CSMD1: variants seen among roughly 807,000 people sequenced by gnomAD.
CSMD1 encodes the protein CUB and sushi domain-containing protein 1.
In CSMD1, 213 loss-of-function variants were observed where a neutral mutation model predicts 417.5. The ratio of observed to expected loss-of-function variants is 0.51; its 90% CI spans 0.46 to 0.57. The LOEUF (loss-of-function observed/expected upper bound fraction) is 0.57. Ranked by LOEUF, CSMD1 falls within the 20% of genes least tolerant of loss-of-function variation. The probability of loss-of-function intolerance (pLI) is 0.00; values close to 1 mark genes in which losing one functional copy is unlikely to be tolerated. For synonymous variants in CSMD1, 2,862 were observed against 1,736.8 expected (o/e 1.65, Z -16.11); for missense variants, 6,923 against 4,529.7 (o/e 1.53, Z -15.17).
chr8:3,664,756 G>C (rs942905471), intron 7 of CSMD1, among the ~76,000 whole-genome samples: 3 of 152,150 alleles, frequency 2.0e-5, no homozygotes, highest in African/African-American at 7.2e-5. Flanking sequence ...GGTTAACATT[G>C]AAAATAAAGA....
chr8:4,012,719 G>A (rs746903602), intron 4 of CSMD1, among the ~76,000 whole-genome samples: 8 of 152,098 alleles, frequency 5.3e-5, no homozygotes, highest in Non-Finnish European at 1.0e-4. Context: ...TGTCTAAATA[G>A]CAATCCAGAC....
At chr8:4,649,696 A>G (rs1311709966) in intron 1 of CSMD1, among the ~76,000 whole-genome samples, 2 of 152,248 alleles carry the variant, frequency 1.3e-5, no homozygotes, top group Admixed American at 6.5e-5. Flanking sequence ...TGGAAAAAAA[A>G]TTAAACGTTT....
chr8:3,924,167 T>A (rs1482833422), intron 5 of CSMD1, among the ~76,000 whole-genome samples: 1 of 152,300 alleles, frequency 6.6e-6, no homozygotes, highest in East Asian at 1.9e-4. Context: ...AGTATAGCAT[T>A]CTTCGTTGGC....
In CSMD1 at chr8:3,307,754, C is replaced by T. The variant is rs191537593; in HGVS notation, c.3891G>A (p.Pro1297=). The part of the protein sequence containing the change: ...GRILSPGYPA[P]YDNNLHCTWI... ...AGGTGCAGTGGAGGTTGTTGTCATA[C>T]GGAGCTGGATAGCCAGGGGACAATA... The change falls in exon 25 of 70, where the codon CCG becomes CCA. Residue 1297 remains proline (P), a synonymous_variant. Transcript: ENST00000635120. 213 of 1,613,668 alleles carry T rather than the reference C, an allele frequency of 1.3e-4. No homozygotes were observed. In the African/African-American group the frequency reaches 1.6e-3, roughly 12 times the overall value.
At chr8:4,294,444 G>C (rs1029090213) in intron 3 of CSMD1, among the ~76,000 whole-genome samples, 1 of 152,000 alleles carries the variant, frequency 6.6e-6, no homozygotes, top group African/African-American at 2.4e-5. Flanking sequence ...AATTAACATC[G>C]CAGGCAATGA....
rs1796234164 is a variant in CSMD1, at chr8:3,493,704, T to A, written c.1367A>T (p.Glu456Val). 6.2e-7 allele frequency: 1 copy of A among 1,611,278 alleles called. No homozygotes were observed. The highest frequency in any genetic ancestry group is 8.5e-7 in the Non-Finnish European group (1 of 1,178,916). ...GTCATAGCCTCGCTCCAGCTCAAAC[T>A]CTTCAAAGGCAAGCTTGATGACCTA... is the stretch of plus-strand genomic sequence containing the variant. ...PDKVIKLAFEEFELERGYDTL... is the reference protein window; with the variant it reads ...PDKVIKLAFEVFELERGYDTL... The change falls in exon 11 of 70, where the codon GAG (glutamate) becomes GTG (valine). Residue 456 changes from glutamate (E) to valine (V), a missense_variant. Glu to Val is a moderately radical substitution (Grantham distance 121, BLOSUM62 -2). Transcript: ENST00000635120.
chr8:3,694,482 C>T (rs908684984), intron 7 of CSMD1, among the ~76,000 whole-genome samples: 1 of 152,128 alleles, frequency 6.6e-6, no homozygotes, highest in African/African-American at 2.4e-5. Flanking sequence ...GCCGAAAACA[C>T]CATCTGGGAA....
intron 10 of CSMD1, among the ~76,000 whole-genome samples, chr8:3,510,481 G>C (rs1388827530): frequency 1.3e-5 from 2 of 151,844 alleles, no homozygotes; most frequent in Non-Finnish European, 2.9e-5. Flanking sequence ...TCATCTTACA[G>C]GGTCTCTGAA....
chr8:4,483,007 G>T (rs992470059), intron 2 of CSMD1, among the ~76,000 whole-genome samples: 1 of 152,152 alleles, frequency 6.6e-6, no homozygotes, highest in Non-Finnish European at 1.5e-5. Context: ...TTTAGCAATT[G>T]ATTGGTTTGG....
intron 25 of CSMD1, among the ~76,000 whole-genome samples, chr8:3,297,528 C>T (rs187835439): frequency 6.6e-5 from 10 of 152,076 alleles, no homozygotes; most frequent in East Asian, 1.9e-4. Flanking sequence ...CTAGTTGTCT[C>T]GTTAATTACT....
chr8:4,624,058 ATC>A (rs1801949005), intron 2 of CSMD1, among the ~76,000 whole-genome samples: 1 of 152,156 alleles, frequency 6.6e-6, no homozygotes, highest in African/African-American at 2.4e-5. Context: ...CAAAATGACT[ATC>A]TCTAGCTCTT....
At chr8:3,557,572 T>C (rs1402071526) in intron 10 of CSMD1, among the ~76,000 whole-genome samples, 1 of 151,920 alleles carries the variant, frequency 6.6e-6, no homozygotes, top group Non-Finnish European at 1.5e-5. Flanking sequence ...GGTGAGCAAG[T>C]CCTGAATTGG....
chr8:3,338,811 C>CTT (rs574071856), intron 23 of CSMD1, among the ~76,000 whole-genome samples: 5 of 141,060 alleles, frequency 3.5e-5, no homozygotes, highest in Non-Finnish European at 7.8e-5. Flanking sequence ...TCCAGCCTTT[C>CTT]TTTTTTTTTT....
chr8:3,614,660 A>C (rs1234176820), intron 8 of CSMD1, among the ~76,000 whole-genome samples: 1 of 152,212 alleles, frequency 6.6e-6, no homozygotes, highest in Non-Finnish European at 1.5e-5. Flanking sequence ...ACAGCTCTGC[A>C]AAATTCACCA....
intron 54 of CSMD1, among the ~76,000 whole-genome samples, chr8:2,989,977 T>C (rs1466231433): frequency 6.6e-6 from 1 of 152,128 alleles, no homozygotes; most frequent in Admixed American, 6.5e-5. Context: ...TCAACAAATG[T>C]GGCATTGCAT....
At chr8:4,642,205 T>C (rs974322530) in intron 1 of CSMD1, among the ~76,000 whole-genome samples, 5 of 152,154 alleles carry the variant, frequency 3.3e-5, no homozygotes, top group African/African-American at 9.7e-5. Flanking sequence ...ATGGAGTTGA[T>C]GGTTGGTTAT....
chr8:4,625,091 G>C (rs1051733759), intron 2 of CSMD1, among the ~76,000 whole-genome samples: 6 of 152,170 alleles, frequency 3.9e-5, no homozygotes, highest in African/African-American at 1.2e-4. Context: ...AATTGGATGG[G>C]TCAAACTAGG....
chr8:4,141,465 T>G (rs1182132825), intron 3 of CSMD1, among the ~76,000 whole-genome samples: 1 of 151,150 alleles, frequency 6.6e-6, no homozygotes, highest in Non-Finnish European at 1.5e-5. Flanking sequence ...TAACACTGCT[T>G]TTGTATACAA....
chr8:3,053,749 T>C (rs963927997), intron 49 of CSMD1, among the ~76,000 whole-genome samples: 1 of 152,112 alleles, frequency 6.6e-6, no homozygotes, highest in Non-Finnish European at 1.5e-5. Context: ...CGATTACATG[T>C]GACAGTCATG....
Sources: allele counts gnomAD v4.1 joint callset (sites outside exome capture counted in the v4.1 genomes callset), GRCh38; gene constraint gnomAD v4.1.1; transcripts MANE v1.5; gene names NCBI Gene and HGNC (gene_info 2026-07-23, HGNC 2026-07-21).